Variants in ZNF227 observed in about 807,000 individuals in gnomAD.
The protein encoded by ZNF227 is zinc finger protein 227.
In ZNF227, 12 loss-of-function variants were observed where a neutral mutation model predicts 13.2. That is an observed-to-expected ratio of 0.91 (90% CI 0.58 to 1.47). The LOEUF (loss-of-function observed/expected upper bound fraction) is 1.47. Among genes scored for constraint, ZNF227 ranks in the 40% most tolerant of loss-of-function variants. ZNF227 has a pLI of 0.00. For synonymous variants in ZNF227, 338 were observed against 326.0 expected, an observed-to-expected ratio of 1.04 and a Z score of -0.40; for missense variants, 885 against 967.5, an observed-to-expected ratio of 0.91 and a Z score of 1.13.
At chr19:44,214,490 T>C (rs1234517874) in intron 2 of ZNF227, among the ~76,000 whole-genome samples, 1 of 152,092 alleles carries the variant, frequency 6.6e-6, no homozygotes, top group Non-Finnish European at 1.5e-5. Context: ...GTGATTCTCC[T>C]GCATCAAGCT....
intron 3 of ZNF227, among the ~76,000 whole-genome samples, chr19:44,224,357 C>T (rs141246697): frequency 0.053 from 8,044 of 152,118 alleles, 257 homozygotes; most frequent in South Asian, 0.085. Context: ...CTGTCTGATG[C>T]TGACAGTGGG....
Position 44,237,010 on chromosome 19 carries a change from G to GT in ZNF227, c.*181dup, listed in dbSNP as rs1974581480. 1 of 540,568 alleles carries GT rather than the reference G, an allele frequency of 1.8e-6. No homozygotes were observed. The highest frequency in any genetic ancestry group is 1.9e-5 in the African/African-American group (1 of 52,748). The allele number at this position is 540,568 out of a possible 1,614,324, so 33.5% of individuals were successfully genotyped here. On this transcript the variant is annotated 3_prime_UTR_variant, in exon 6 of 6. Transcript: ENST00000313040. ...AGAACCATGAACAGGAATAGAACTCGTATTTAGGGGAGAAATAGGGCTGGT... is the reference window on the plus strand; with the variant it reads ...AGAACCATGAACAGGAATAGAACTCGTTATTTAGGGGAGAAATAGGGCTGGT...
intron 2 of ZNF227, among the ~76,000 whole-genome samples, chr19:44,214,278 A>T (rs1259671541): frequency 6.6e-6 from 1 of 152,150 alleles, no homozygotes; most frequent in Non-Finnish European, 1.5e-5. Context: ...TAACACTTTA[A>T]TGTGTTTCCC....
At chr19:44,232,226 C>T (rs1306344764) in intron 5 of ZNF227, among the ~76,000 whole-genome samples, 1 of 152,184 alleles carries the variant, frequency 6.6e-6, no homozygotes, top group Admixed American at 6.5e-5. Flanking sequence ...GCTTCTAGCA[C>T]CAGCAATGTG....
Position 44,236,633 on chromosome 19 carries a change from C to G in ZNF227, c.2203C>G (p.Leu735Val). Residue 735 changes from leucine to valine, a missense_variant, in exon 6 of 6, where the codon CTG becomes GTG. Coordinates refer to ENST00000313040, the MANE Select transcript of ZNF227 (RefSeq NM_182490.3). Reference sequence around the variant, plus strand: ...TCTCCCCTCAAATCTTCGAGTCCACCTGGGTGTTCACACCAGGGAAAAACT... The same window carrying G: ...TCTCCCCTCAAATCTTCGAGTCCACGTGGGTGTTCACACCAGGGAAAAACT... ...FSLPSNLRVH[L>V]GVHTREKLFK... 1 of 1,614,032 alleles carries G rather than the reference C, an allele frequency of 6.2e-7. No homozygotes were observed.
intron 1 of ZNF227, chr19:44,212,852 G>C (rs1000983343): frequency 6.6e-6 from 1 of 152,194 alleles, no homozygotes; most frequent in Admixed American, 6.5e-5. Context: ...TTACTGTGTA[G>C]GGTTGTAATT....
chr19:44,235,114 T>C lies in ZNF227; in HGVS notation c.684T>C (p.Gly228=), dbSNP rs1183218960. The C allele has an allele frequency of 1.1e-5, 17 of 1,614,006 alleles. No individual in the cohort carries two copies. The highest frequency in any genetic ancestry group is 1.3e-5 in the African/African-American group (1 of 74,908). ...KTDTEPKPCK[G]NEYGKIISDG... ...ACACAGAACCAAAACCCTGCAAAGG[T>C]AATGAATATGGCAAAATCATTAGTG... The change falls in exon 6 of 6, where the codon GGT becomes GGC. Residue 228 remains glycine, a synonymous_variant. Transcript: ENST00000313040.
At chr19:44,213,044 CCGAGCTCT>C (rs1453165300) in intron 1 of ZNF227, 38 bp from the exon 2 acceptor site, 1 of 151,836 alleles carries the variant, frequency 6.6e-6, no homozygotes, top group Non-Finnish European at 1.5e-5. Context: ...CTTCAGGAGA[CCGAGCTCT>C]TCCCGAACTT....
upstream of ZNF227, among the ~76,000 whole-genome samples, chr19:44,208,908 T>C (rs553584425): frequency 2.0e-5 from 3 of 152,288 alleles, no homozygotes; most frequent in African/African-American, 7.2e-5. Context: ...CCATATTCAC[T>C]GCTGTATATT....
chr19:44,222,411 C>A (rs1033844753), intron 3 of ZNF227, among the ~76,000 whole-genome samples: 4 of 151,834 alleles, frequency 2.6e-5, no homozygotes, highest in Non-Finnish European at 5.9e-5. Context: ...AATGTTCTTC[C>A]ATTTGTTTGT....
upstream of ZNF227, among the ~76,000 whole-genome samples, chr19:44,210,707 A>G (rs761217670): frequency 9.9e-5 from 15 of 152,220 alleles, no homozygotes; most frequent in Non-Finnish European, 1.8e-4. Context: ...TGGAAAGTGG[A>G]TTCCAAGAGA....
In ZNF227 at chr19:44,236,237, C is replaced by T; in HGVS notation, c.1807C>T (p.Pro603Ser). ...AHQRVHSGEK[P>S]YKCEQCDKSF... ...TCAAAGAGTTCACTCAGGAGAAAAA[C>T]CCTATAAATGTGAGCAGTGTGATAA... Residue 603 changes from proline to serine, a missense_variant, in exon 6 of 6, where the codon CCC becomes TCC. Transcript: ENST00000313040. 6.2e-7 allele frequency: 1 copy of T among 1,614,084 alleles called. No individual in the cohort carries two copies. The highest frequency in any genetic ancestry group is 8.5e-7 in the Non-Finnish European group (1 of 1,180,022).
chr19:44,229,824 T>C lies in ZNF227; in HGVS notation c.271+8T>C, dbSNP rs767871942. 6.4e-7 allele frequency: 1 copy of C among 1,553,064 alleles called. No individual in the cohort carries two copies. Among genetic ancestry groups the C allele is most frequent in the Non-Finnish European group, 8.8e-7 (1 of 1,141,630 alleles). ...AAACAGAAACCCAAAGAAGTAGGTA[T>C]TCTGGTGAGAACCCTGTGTCTGTTC... is the stretch of plus-strand genomic sequence containing the variant. On this transcript the variant is annotated splice_region_variant and intron_variant, in intron 5 of 5. Coordinates refer to ENST00000313040, the MANE Select transcript of ZNF227 (RefSeq NM_182490.3).
chr19:44,236,352 T>G lies in ZNF227; in HGVS notation c.1922T>G (p.Phe641Cys). The G allele has an allele frequency of 1.9e-6, 3 of 1,614,144 alleles. No homozygotes were observed. Among genetic ancestry groups the G allele is most frequent in the Non-Finnish European group, 2.5e-6 (3 of 1,180,020 alleles). Residue 641 changes from phenylalanine to cysteine, a missense_variant, in exon 6 of 6, where the codon TTC becomes TGC. By Grantham distance (205) the Phe-to-Cys change is radical (BLOSUM62 -2). Coordinates refer to ENST00000313040, the MANE Select transcript of ZNF227 (RefSeq NM_182490.3). ...PYKCGVCGKG[F>C]SQSSGLQSHQ... ...AAATGTGGTGTCTGTGGTAAGGGCT[T>G]CAGTCAGTCCTCTGGTCTTCAATCC...
rs895942269 is a variant in ZNF227, at chr19:44,237,043, T to A, written c.*213T>A. 1 of 497,418 alleles carries A rather than the reference T, an allele frequency of 2.0e-6. No individual in the cohort carries two copies. Among genetic ancestry groups the A allele is most frequent in the Non-Finnish European group, 3.5e-6 (1 of 284,384 alleles). 30.8% of individuals were successfully genotyped at this position (497,418 alleles called of 1,614,324 possible). A position where few individuals can be genotyped will look rare whatever the true frequency, so the allele number is the denominator to read the frequency against. On this transcript the variant is annotated 3_prime_UTR_variant, in exon 6 of 6. Coordinates refer to ENST00000313040, the MANE Select transcript of ZNF227 (RefSeq NM_182490.3). ...GGGAGAAATAGGGCTGGTGGCTCTC[T>A]TGGTAAGATCTAGTTAATATAAATG...
At chr19:44,226,203 T>C (rs7259916) in intron 3 of ZNF227, among the ~76,000 whole-genome samples, 92,719 of 152,104 alleles carry the variant, frequency 0.61, 28,675 homozygotes, top group African/African-American at 0.7. Context: ...TGGGGGGGTG[T>C]CTCCCAGTTA....
chr19:44,235,175 C>T lies in ZNF227; in HGVS notation c.745C>T (p.Pro249Ser), dbSNP rs79006902. Residue 249 changes from proline (P) to serine (S), a missense_variant, in exon 6 of 6, where the codon CCC (proline) becomes TCC (serine). Transcript: ENST00000313040. ...SNQKLPLGEK[P>S]HPCGECGRGF... ...TCAGAAATTACCCTTAGGAGAGAAA[C>T]CCCATCCATGTGGTGAGTGTGGAAG... 5.4e-3 allele frequency: 8,740 copies of T among 1,614,026 alleles called. 420 individuals carry two copies. The African/African-American group carries it at 0.1, about 18-fold the overall frequency.
At chr19:44,208,422 A>T (rs1431698796), upstream of ZNF227, among the ~76,000 whole-genome samples, 2 of 152,242 alleles carry the variant, frequency 1.3e-5, no homozygotes, top group Non-Finnish European at 2.9e-5. Context: ...TTGCAGTGAT[A>T]GGGACAGTGG....
upstream of ZNF227, among the ~76,000 whole-genome samples, chr19:44,211,914 G>A (rs1042507429): frequency 2.3e-5 from 1 of 43,830 alleles, no homozygotes; most frequent in Non-Finnish European, 4.8e-5. Context: ...TTTTTTTTTT[G>A]AGACAGAGTC....
Sources: allele counts gnomAD v4.1 joint callset (sites outside exome capture counted in the v4.1 genomes callset), GRCh38; gene constraint gnomAD v4.1.1; transcripts MANE v1.5; gene names NCBI Gene and HGNC (gene_info 2026-07-23, HGNC 2026-07-21).